Variants in C8orf34 observed in about 807,000 individuals in gnomAD.
C8orf34 encodes chromosome 8 open reading frame 34.
A neutral mutation model predicts 68.3 loss-of-function variants in C8orf34; 65 were observed. That is an observed-to-expected ratio of 0.95 (90% CI 0.78 to 1.17). C8orf34 has a LOEUF of 1.17. C8orf34 is among the 50% of genes most tolerant of loss of function. The probability of loss-of-function intolerance (pLI) is 0.00; values close to 1 mark genes in which losing one functional copy is unlikely to be tolerated. For missense variants in C8orf34, 664 were observed against 655.4 expected (o/e 1.01, Z -0.14); for synonymous variants, 244 against 241.2 (o/e 1.01, Z -0.11).
At chr8:68,425,305 A>G (rs1407241386) in intron 1 of C8orf34, among the ~76,000 whole-genome samples, 2 of 152,198 alleles carry the variant, frequency 1.3e-5, no homozygotes, top group African/African-American at 4.8e-5. Flanking sequence ...ATAAAAAGTA[A>G]TAGAAGGCAT....
At chr8:68,758,022 A>G (rs1394756627) in intron 10 of C8orf34, among the ~76,000 whole-genome samples, 2 of 152,256 alleles carry the variant, frequency 1.3e-5, no homozygotes, top group Non-Finnish European at 2.9e-5. Context: ...ATAGCCCAAC[A>G]AAGTACACGT....
intron 7 of C8orf34, among the ~76,000 whole-genome samples, chr8:68,589,635 A>AGAG (rs1817318578): frequency 6.8e-6 from 1 of 145,994 alleles, no homozygotes; most frequent in Non-Finnish European, 1.5e-5. Flanking sequence ...AAGAAGGAGG[A>AGAG]GAGAAGAAGA....
At chr8:68,790,621 C>G (rs1040826457) in intron 12 of C8orf34, among the ~76,000 whole-genome samples, 1 of 139,054 alleles carries the variant, frequency 7.2e-6, no homozygotes. Flanking sequence ...TAAGCAAAAC[C>G]CTTGATTAAA....
chr8:68,482,495 G>A lies in C8orf34; in HGVS notation c.737-5528G>A, dbSNP rs1015785630. Among the ~76,000 whole-genome samples, 9 of 152,050 alleles carry A rather than the reference G, an allele frequency of 5.9e-5. No homozygotes were observed. The South Asian group carries it at 1.0e-3, about 18-fold the overall frequency. ...TCACTATGTTGCCCAGGCTGGTCTC[G>A]AACTCCTGAGTTCAAGTGATCCTCC... is the stretch of plus-strand genomic sequence containing the variant. On this transcript the variant is annotated intron_variant, in intron 4 of 13. Coordinates refer to ENST00000518698, the MANE Select transcript of C8orf34 (RefSeq NM_052958.4).
intron 7 of C8orf34, among the ~76,000 whole-genome samples, chr8:68,580,198 C>A (rs1312849706): frequency 6.6e-6 from 1 of 152,012 alleles, no homozygotes; most frequent in Non-Finnish European, 1.5e-5. Flanking sequence ...GAGCATTTCT[C>A]TTCTTAAATA....
chr8:68,812,872 A>G (rs1399623854), intron 12 of C8orf34, among the ~76,000 whole-genome samples: 4 of 152,164 alleles, frequency 2.6e-5, no homozygotes, highest in African/African-American at 9.7e-5. Flanking sequence ...ACACAGATAC[A>G]TGCGTGTAAT....
intron 1 of C8orf34, among the ~76,000 whole-genome samples, chr8:68,381,064 G>T (rs1046314754): frequency 1.3e-5 from 2 of 152,156 alleles, no homozygotes; most frequent in Admixed American, 1.3e-4. Context: ...AGAAAGCACA[G>T]CTTGAATTAT....
At chr8:68,633,524 T>C (rs900228822) in intron 7 of C8orf34, among the ~76,000 whole-genome samples, 7 of 152,238 alleles carry the variant, frequency 4.6e-5, no homozygotes, top group Non-Finnish European at 1.5e-5. Flanking sequence ...CATCGGTTGA[T>C]TTTTATATTA....
intron 1 of C8orf34, among the ~76,000 whole-genome samples, chr8:68,432,679 G>C (rs1457783351): frequency 6.6e-6 from 1 of 152,130 alleles, no homozygotes; most frequent in Non-Finnish European, 1.5e-5. Context: ...ATTTAGGGCA[G>C]GTGTGGATCT....
At chr8:68,583,481 T>A (rs1040668781) in intron 7 of C8orf34, among the ~76,000 whole-genome samples, 2 of 152,174 alleles carry the variant, frequency 1.3e-5, no homozygotes, top group African/African-American at 4.8e-5. Context: ...CTAAAACGTA[T>A]TCCCTATTCA....
intron 7 of C8orf34, among the ~76,000 whole-genome samples, chr8:68,614,386 A>T (rs1211053545): frequency 2.6e-5 from 4 of 152,120 alleles, no homozygotes; most frequent in South Asian, 2.1e-4. Flanking sequence ...CTGAATGGTA[A>T]TGCCTAGGTT....
At chr8:68,627,270 G>C (rs1040543116) in intron 7 of C8orf34, among the ~76,000 whole-genome samples, 3 of 152,000 alleles carry the variant, frequency 2.0e-5, no homozygotes, top group African/African-American at 7.2e-5. Flanking sequence ...CCTCTGTGCT[G>C]GTCTCCTTTC....
At chr8:68,387,591 A>G (rs1008771317) in intron 1 of C8orf34, among the ~76,000 whole-genome samples, 2 of 152,182 alleles carry the variant, frequency 1.3e-5, no homozygotes, top group Non-Finnish European at 1.5e-5. Flanking sequence ...ATAGACACCA[A>G]GTTCCTAAGG....
At chr8:68,815,535 C>T (rs771977127) in intron 12 of C8orf34, among the ~76,000 whole-genome samples, 38 of 152,160 alleles carry the variant, frequency 2.5e-4, no homozygotes, top group Non-Finnish European at 5.1e-4. Context: ...CAGACCATGG[C>T]TTTCCTGCCT....
chr8:68,663,695 T>C (rs1819753899), intron 8 of C8orf34, among the ~76,000 whole-genome samples: 1 of 152,310 alleles, frequency 6.6e-6, no homozygotes, highest in South Asian at 2.1e-4. Context: ...TGAGAGCAGA[T>C]AATTGAAGTT....
chr8:68,357,518 G>T (rs1806800602), intron 1 of C8orf34, among the ~76,000 whole-genome samples: 1 of 152,168 alleles, frequency 6.6e-6, no homozygotes, highest in Non-Finnish European at 1.5e-5. Flanking sequence ...CAGTGGTTCA[G>T]TTTTAAAAAA....
At chr8:68,553,456 C>T (rs943462498) in intron 7 of C8orf34, among the ~76,000 whole-genome samples, 1 of 144,686 alleles carries the variant, frequency 6.9e-6, no homozygotes, top group Admixed American at 6.9e-5. Context: ...AACACCAGTA[C>T]AAATTCTTTA....
chr8:68,471,662 G>A (rs1812382861), intron 4 of C8orf34, among the ~76,000 whole-genome samples: 2 of 152,054 alleles, frequency 1.3e-5, no homozygotes. Context: ...ACCTTCATAA[G>A]GAATATTCCA....
chr8:68,764,336 GT>G (rs1823108899), intron 10 of C8orf34, among the ~76,000 whole-genome samples: 1 of 152,220 alleles, frequency 6.6e-6, no homozygotes, highest in African/African-American at 2.4e-5. Flanking sequence ...TTATGTGATA[GT>G]TTGTTGGCGG....
Sources: allele counts gnomAD v4.1 joint callset (sites outside exome capture counted in the v4.1 genomes callset), GRCh38; gene constraint gnomAD v4.1.1; transcripts MANE v1.5; gene names NCBI Gene and HGNC (gene_info 2026-07-23, HGNC 2026-07-21).